Variants in OLA1 observed in about 807,000 individuals in gnomAD.
The protein encoded by OLA1 is Obg like ATPase 1, also known as obg-like ATPase 1.
Under a neutral mutation model 48.4 loss-of-function variants are expected in OLA1, and 14 were observed. The observed-to-expected ratio is 0.29, with a 90% confidence interval of 0.19 to 0.45. The LOEUF (loss-of-function observed/expected upper bound fraction) is 0.45, where lower values mean the gene tolerates loss of function less well. Among genes scored for constraint, OLA1 ranks in the 20% least tolerant of loss-of-function variants. OLA1 has a pLI of 1.00. For synonymous variants in OLA1, 127 were observed against 150.4 expected, an observed-to-expected ratio of 0.84 and a Z score of 1.14; for missense variants, 325 against 467.1, an observed-to-expected ratio of 0.70 and a Z score of 2.80.
At chr2:174,140,321 A>G (rs1686414283) in intron 5 of OLA1, among the ~76,000 whole-genome samples, 1 of 151,760 alleles carries the variant, frequency 6.6e-6, no homozygotes, top group Admixed American at 6.6e-5. Context: ...TACAGTAACT[A>G]GTTGATATCA....
intron 7 of OLA1, among the ~76,000 whole-genome samples, chr2:174,110,971 T>A (rs1685634371): frequency 6.6e-6 from 1 of 152,212 alleles, no homozygotes; most frequent in Non-Finnish European, 1.5e-5. Flanking sequence ...CAATTAACTG[T>A]CAATCTATCT....
At chr2:174,191,659 C>A (rs1362360832) in intron 4 of OLA1, among the ~76,000 whole-genome samples, 2 of 152,042 alleles carry the variant, frequency 1.3e-5, no homozygotes, top group African/African-American at 4.8e-5. Flanking sequence ...TATGGGGTCT[C>A]ACTGTGTTGC....
chr2:174,090,822 T>G (rs1685097572), intron 7 of OLA1, among the ~76,000 whole-genome samples: 1 of 152,294 alleles, frequency 6.6e-6, no homozygotes, highest in South Asian at 2.1e-4. Flanking sequence ...AATGATGACA[T>G]TTAGGGTTAT....
chr2:174,140,018 T>G (rs2105379255), intron 5 of OLA1, among the ~76,000 whole-genome samples: 1 of 152,302 alleles, frequency 6.6e-6, no homozygotes, highest in East Asian at 1.9e-4. Context: ...TCTTTCACGC[T>G]TATTGACATA....
intron 5 of OLA1, among the ~76,000 whole-genome samples, chr2:174,130,095 T>C (rs893685552): frequency 4.6e-5 from 7 of 152,028 alleles, no homozygotes; most frequent in East Asian, 1.9e-4. Flanking sequence ...ACACCCGAAA[T>C]TGAAGAAAAA....
At chr2:174,235,496 A>C (rs1169639846) in intron 2 of OLA1, among the ~76,000 whole-genome samples, 7 of 152,204 alleles carry the variant, frequency 4.6e-5, no homozygotes. Context: ...AATAGTTTTC[A>C]CACAAAGGAC....
intron 5 of OLA1, among the ~76,000 whole-genome samples, chr2:174,141,279 T>G (rs1686441131): frequency 6.6e-6 from 1 of 152,234 alleles, no homozygotes; most frequent in African/African-American, 2.4e-5. Flanking sequence ...ATATGTAAAC[T>G]AAAAGCTTCA....
chr2:174,158,790 C>T (rs983952096), intron 4 of OLA1, among the ~76,000 whole-genome samples: 1 of 152,118 alleles, frequency 6.6e-6, no homozygotes, highest in African/African-American at 2.4e-5. Context: ...AATCTCTCCA[C>T]CTATTTACCC....
At chr2:174,205,796 C>G (rs547715355) in intron 4 of OLA1, among the ~76,000 whole-genome samples, 32 of 152,220 alleles carry the variant, frequency 2.1e-4, no homozygotes, top group Admixed American at 1.6e-3. Flanking sequence ...AAACAAATTC[C>G]AGGCACATGG....
intron 4 of OLA1, among the ~76,000 whole-genome samples, chr2:174,216,797 C>T (rs1688370797): frequency 1.3e-5 from 2 of 152,140 alleles, no homozygotes; most frequent in South Asian, 4.1e-4. Flanking sequence ...ATCCTCCTCC[C>T]TCAGCCTCCA....
chr2:174,153,370 C>T (rs1574513055), intron 4 of OLA1, among the ~76,000 whole-genome samples: 1 of 151,990 alleles, frequency 6.6e-6, no homozygotes, highest in East Asian at 1.9e-4. Context: ...CAGTGAAAAA[C>T]AATATTGAAT....
At chr2:174,124,207 C>G (rs1357647619) in intron 5 of OLA1, 1 of 152,336 alleles carries the variant, frequency 6.6e-6, no homozygotes, top group South Asian at 2.1e-4. Flanking sequence ...CTCCCGCAGC[C>G]GCACCCCCAA....
intron 4 of OLA1, among the ~76,000 whole-genome samples, chr2:174,192,551 T>C (rs1051004910): frequency 6.6e-6 from 1 of 152,212 alleles, no homozygotes; most frequent in South Asian, 2.1e-4. Flanking sequence ...TAATATTTAT[T>C]ATCTAATCTT....
At chr2:174,162,786 A>G (rs1687043251) in intron 4 of OLA1, among the ~76,000 whole-genome samples, 1 of 152,178 alleles carries the variant, frequency 6.6e-6, no homozygotes, top group Admixed American at 6.5e-5. Context: ...CACTGCTCCT[A>G]TAATCCCAGC....
intron 7 of OLA1, among the ~76,000 whole-genome samples, chr2:174,119,726 TAATAAG>T (rs1274754383): frequency 2.0e-5 from 3 of 152,134 alleles, no homozygotes; most frequent in African/African-American, 7.2e-5. Context: ...AATCATGGTA[TAATAAG>T]AATAATAAAA....
chr2:174,123,706 T>G (rs753794760), intron 5 of OLA1, 31 bp from the exon 6 acceptor site: 1 of 1,151,824 alleles, frequency 8.7e-7, no homozygotes, highest in South Asian at 1.6e-5. Flanking sequence ...GGTAAATATA[T>G]ATGAATAACT....
At chr2:174,164,837 T>C (rs1363732928) in intron 4 of OLA1, among the ~76,000 whole-genome samples, 2 of 152,216 alleles carry the variant, frequency 1.3e-5, no homozygotes, top group Non-Finnish European at 2.9e-5. Context: ...TGATTGGGCA[T>C]GTGACTTAAG....
intron 4 of OLA1, among the ~76,000 whole-genome samples, chr2:174,185,655 C>T (rs928782325): frequency 3.3e-5 from 5 of 152,084 alleles, no homozygotes; most frequent in South Asian, 4.1e-4. Flanking sequence ...AGGCCGGGCA[C>T]GGTGGCTCAC....
At chr2:174,228,836 T>A (rs1178903982) in intron 3 of OLA1, among the ~76,000 whole-genome samples, 1 of 152,208 alleles carries the variant, frequency 6.6e-6, no homozygotes, top group East Asian at 1.9e-4. Context: ...ATTGCAATGT[T>A]AACAACTGGG....
Sources: allele counts gnomAD v4.1 joint callset (sites outside exome capture counted in the v4.1 genomes callset), GRCh38; gene constraint gnomAD v4.1.1; transcripts MANE v1.5; gene names NCBI Gene and HGNC (gene_info 2026-07-23, HGNC 2026-07-21).